Variants in DMD observed in about 807,000 individuals in gnomAD.
DMD encodes mutant dystrophin.
DMD carries 63 observed loss-of-function variants against 330.1 expected under a neutral mutation model. The observed-to-expected ratio is 0.19, with a 90% CI of 0.16 to 0.24. The LOEUF is 0.24. DMD is among the 10% of genes least tolerant of loss of function. The probability of loss-of-function intolerance (pLI) is 1.00; values close to 1 mark genes in which losing one functional copy is unlikely to be tolerated. For missense variants in DMD, 3,344 were observed against 2,684.1 expected (o/e 1.25, Z -5.43); for synonymous variants, 1,223 against 959.8 (o/e 1.27, Z -5.07).
chrX:33,235,363 T>C (rs1218472624), intron 1 of DMD, among the ~76,000 whole-genome samples: 1 of 111,971 alleles, frequency 8.9e-6, no homozygotes, highest in African/African-American at 3.3e-5. Flanking sequence ...TCATTTACTA[T>C]ATGCCAAGTA....
intron 1 of DMD, among the ~76,000 whole-genome samples, chrX:33,210,754 T>C (rs1159953741): frequency 9.0e-6 from 1 of 111,710 alleles, no homozygotes; most frequent in African/African-American, 3.2e-5. Context: ...ACTTTTCACA[T>C]CCTTCAATTA....
intron 1 of DMD, among the ~76,000 whole-genome samples, chrX:33,082,382 T>C (rs911385959): frequency 2.7e-5 from 3 of 112,385 alleles, no homozygotes; most frequent in Middle Eastern, 4.6e-3. Context: ...AGTTTCTTTT[T>C]ACAAGATTTA....
At chrX:32,454,239 G>C (rs56027026) in intron 26 of DMD, among the ~76,000 whole-genome samples, 7,047 of 110,965 alleles carry the variant, frequency 0.064, 239 homozygotes, top group Middle Eastern at 0.1. Context: ...CAAATATTTA[G>C]TGTTTCCAAA....
At chrX:31,223,357 T>G (rs1489890710) in intron 63 of DMD, among the ~76,000 whole-genome samples, 1 of 112,175 alleles carries the variant, frequency 8.9e-6, no homozygotes, top group East Asian at 2.8e-4. Context: ...AAGACTAAAG[T>G]GGTATAGCCT....
At chrX:32,640,071 TAA>T (rs1429163179) in intron 11 of DMD, among the ~76,000 whole-genome samples, 5 of 108,494 alleles carry the variant, frequency 4.6e-5, no homozygotes, top group South Asian at 7.7e-4. Context: ...AAATTATATA[TAA>T]GTTATTATAC....
chrX:32,625,649 T>A (rs1013748043), intron 11 of DMD, among the ~76,000 whole-genome samples: 2 of 112,476 alleles, frequency 1.8e-5, no homozygotes, highest in Non-Finnish European at 1.9e-5. Flanking sequence ...CAGCCTGTAT[T>A]TGATGGTCCT....
At chrX:31,202,535 CAACT>C (rs58722546) in intron 67 of DMD, among the ~76,000 whole-genome samples, 55,138 of 110,635 alleles carry the variant, frequency 0.5, 10,270 homozygotes, top group East Asian at 0.67. Context: ...TAAATCTATC[CAACT>C]AACTATTAAA....
Position 31,841,727 on chromosome X carries a change from C to T in DMD, c.7099-4908G>A, listed in dbSNP as rs990048579. On this transcript the variant is annotated intron_variant, in intron 48 of 78. Transcript: ENST00000357033. ...GAACAACAAAGCCTGGATGATAGCA[C>T]ATCTCTTTACAGCATGGTTTACTTA... is the stretch of plus-strand genomic sequence containing the variant. Among the ~76,000 whole-genome samples the T allele has an allele frequency of 5.3e-5, 6 of 112,404 alleles. No homozygotes were observed. In the Admixed American group the frequency reaches 5.6e-4, roughly 11 times the overall value.
rs1367385862 is a variant in DMD, at chrX:32,362,966, C to T, written c.5155-8G>A. 1 of 1,203,291 alleles carries T rather than the reference C, an allele frequency of 8.3e-7. No homozygotes were observed. The highest frequency in any genetic ancestry group is 2.2e-5 in the Admixed American group (1 of 45,138). The stretch of plus-strand genomic sequence containing the variant: ...CAGTTCTGCCTTTAAACGCTATATT[C>T]CATGAGCAAGAGATAGGACTTGAAG... On this transcript the variant is annotated splice_polypyrimidine_tract_variant and splice_region_variant and intron_variant, in intron 36 of 78. Coordinates refer to ENST00000357033, the MANE Select transcript of DMD (RefSeq NM_004006.3).
chrX:32,704,168 G>A (rs1038856863), intron 7 of DMD, among the ~76,000 whole-genome samples: 40 of 111,014 alleles, frequency 3.6e-4, no homozygotes, highest in African/African-American at 1.2e-3. Flanking sequence ...ACCTCATGGC[G>A]GTCTGAAGGC....
intron 7 of DMD, among the ~76,000 whole-genome samples, chrX:32,730,709 T>C (rs1446506704): frequency 8.9e-6 from 1 of 112,216 alleles, no homozygotes; most frequent in Non-Finnish European, 1.9e-5. Flanking sequence ...ACTAAATATT[T>C]TGAATAATGA....
At chrX:32,077,760 T>A (rs1569540192) in intron 44 of DMD, among the ~76,000 whole-genome samples, 1 of 111,745 alleles carries the variant, frequency 8.9e-6, no homozygotes, top group Non-Finnish European at 1.9e-5. Context: ...CTTGTCCAGA[T>A]CACCAAAAAA....
intron 44 of DMD, among the ~76,000 whole-genome samples, chrX:32,069,688 A>C (rs1031960225): frequency 8.9e-6 from 1 of 112,062 alleles, no homozygotes; most frequent in Non-Finnish European, 1.9e-5. Flanking sequence ...TCACCAAATT[A>C]GGCTTCAAAT....
At chrX:31,670,303 TC>T (rs1254104612) in intron 53 of DMD, among the ~76,000 whole-genome samples, 1 of 112,050 alleles carries the variant, frequency 8.9e-6, no homozygotes, top group Non-Finnish European at 1.9e-5. Context: ...TTGCCTAATT[TC>T]CCTGGCCTGA....
At chrX:33,111,513 G>C (rs1373526683) in intron 1 of DMD, among the ~76,000 whole-genome samples, 1 of 111,747 alleles carries the variant, frequency 8.9e-6, no homozygotes, top group Non-Finnish European at 1.9e-5. Flanking sequence ...ATAATATTTG[G>C]TATTGCCATA....
At chrX:32,848,694 A>G (rs1603448215) in intron 3 of DMD, among the ~76,000 whole-genome samples, 2 of 111,489 alleles carry the variant, frequency 1.8e-5, no homozygotes, top group African/African-American at 6.5e-5. Context: ...AACAAGACAA[A>G]AATGGGCCTT....
intron 26 of DMD, among the ~76,000 whole-genome samples, chrX:32,454,290 G>A (rs185954463): frequency 9.0e-6 from 1 of 111,223 alleles, no homozygotes; most frequent in East Asian, 2.8e-4. Flanking sequence ...AACACAGTTT[G>A]TTGACTACAT....
At chrX:31,835,773 ATGT>A (rs1456372720) in intron 49 of DMD, among the ~76,000 whole-genome samples, 1 of 111,801 alleles carries the variant, frequency 8.9e-6, no homozygotes, top group Non-Finnish European at 1.9e-5. Flanking sequence ...AGTCATGGTA[ATGT>A]TGTTTGCAAG....
At chrX:31,316,851 A>C (rs906716479) in intron 62 of DMD, among the ~76,000 whole-genome samples, 2 of 112,069 alleles carry the variant, frequency 1.8e-5, no homozygotes, top group African/African-American at 6.5e-5. Context: ...GATTTCAAAA[A>C]TTTAATTACC....
Sources: gnomAD v4.1 joint callset for allele counts (sites outside exome capture counted in the v4.1 genomes callset) on GRCh38, gnomAD v4.1.1 for gene constraint, MANE v1.5 for transcripts, NCBI Gene and HGNC (gene_info 2026-07-23, HGNC 2026-07-21) for gene names.